SH3GL2: variants seen among roughly 807,000 people sequenced by gnomAD.
The protein encoded by SH3GL2 is SH3 domain containing GRB2 like 2, endophilin A1.
Under a neutral mutation model 46.0 loss-of-function variants are expected in SH3GL2, and 24 were observed. That is an observed-to-expected ratio of 0.52 (90% CI 0.38 to 0.73). SH3GL2 has a LOEUF of 0.73. SH3GL2 is among the 30% of genes least tolerant of loss of function. SH3GL2 has a pLI of 0.00. For synonymous variants in SH3GL2, 196 were observed against 147.1 expected, an observed-to-expected ratio of 1.33 and a Z score of -2.40; for missense variants, 413 against 424.2, an observed-to-expected ratio of 0.97 and a Z score of 0.23.
chr9:17,760,207 A>C (rs1057486475), intron 2 of SH3GL2, among the ~76,000 whole-genome samples: 1 of 152,206 alleles, frequency 6.6e-6, no homozygotes, highest in African/African-American at 2.4e-5. Context: ...TTGAAATTGC[A>C]TCCTTCTAAA....
At chr9:17,688,226 G>A (rs905193113) in intron 1 of SH3GL2, among the ~76,000 whole-genome samples, 4 of 152,032 alleles carry the variant, frequency 2.6e-5, no homozygotes, top group Admixed American at 1.3e-4. Flanking sequence ...GGGAGACTCA[G>A]CATCACAATG....
chr9:17,603,696 A>G (rs1244641037), intron 1 of SH3GL2, among the ~76,000 whole-genome samples: 2 of 152,114 alleles, frequency 1.3e-5, no homozygotes, highest in Non-Finnish European at 2.9e-5. Flanking sequence ...CCCCATCTCT[A>G]TTAGAAATAC....
intron 1 of SH3GL2, among the ~76,000 whole-genome samples, chr9:17,744,772 G>T (rs1588295205): frequency 6.6e-6 from 1 of 152,164 alleles, no homozygotes; most frequent in Non-Finnish European, 1.5e-5. Flanking sequence ...GCCAAACAAG[G>T]TCACAGTTGG....
chr9:17,716,829 G>C (rs1344508137), intron 1 of SH3GL2, among the ~76,000 whole-genome samples: 1 of 152,064 alleles, frequency 6.6e-6, no homozygotes, highest in Non-Finnish European at 1.5e-5. Context: ...GCAGTAAACT[G>C]GGAGAGTTGT....
intron 1 of SH3GL2, among the ~76,000 whole-genome samples, chr9:17,618,556 G>T (rs1469394701): frequency 6.6e-6 from 1 of 152,170 alleles, no homozygotes; most frequent in African/African-American, 2.4e-5. Context: ...AACCTTGCCT[G>T]TGTTGATGTA....
chr9:17,763,955 G>T (rs1324643881), intron 3 of SH3GL2, among the ~76,000 whole-genome samples: 1 of 151,996 alleles, frequency 6.6e-6, no homozygotes, highest in Admixed American at 6.6e-5. Context: ...GGAAATTGTG[G>T]GATTAAGGCT....
intron 1 of SH3GL2, among the ~76,000 whole-genome samples, chr9:17,621,303 G>A (rs959967800): frequency 6.6e-6 from 1 of 152,096 alleles, no homozygotes; most frequent in African/African-American, 2.4e-5. Context: ...TACAATTTCC[G>A]AATCATACAT....
chr9:17,751,470 T>TTGTGTGTGTGTGTG (rs1554646584), intron 2 of SH3GL2, among the ~76,000 whole-genome samples: 1 of 132,924 alleles, frequency 7.5e-6, no homozygotes, highest in African/African-American at 3.0e-5. Context: ...GTGTGTGTTT[T>TTGTGTGTGTGTGTG]TGTGTGTGCG....
rs539087550 is a variant in SH3GL2 at position 17,650,007 on chromosome 9, A to C, written c.45+70720A>C. Among the ~76,000 whole-genome samples, 4 of 152,316 alleles carry C rather than the reference A, an allele frequency of 2.6e-5. No homozygotes were observed. In the South Asian group the frequency reaches 8.3e-4, roughly 32 times the overall value. ...AAAAAGAAAAGCCTTCATAACCACC[A>C]GCTTTTATTTAGTGTTCCACATATT... On this transcript the variant is annotated intron_variant, in intron 1 of 8. Coordinates refer to ENST00000380607, the MANE Select transcript of SH3GL2 (RefSeq NM_003026.5).
intron 1 of SH3GL2, among the ~76,000 whole-genome samples, chr9:17,592,790 G>C (rs772819774): frequency 3.9e-5 from 6 of 152,116 alleles, no homozygotes; most frequent in Non-Finnish European, 8.8e-5. Context: ...TCTTTTCTCT[G>C]CTACGAGATG....
At chr9:17,616,969 T>C (rs150217020) in intron 1 of SH3GL2, among the ~76,000 whole-genome samples, 345 of 152,334 alleles carry the variant, frequency 2.3e-3, no homozygotes, top group Middle Eastern at 6.8e-3. Context: ...TGTTACCATG[T>C]TTTCCTAAAG....
At chr9:17,780,010 G>C (rs1039431440) in intron 3 of SH3GL2, among the ~76,000 whole-genome samples, 4 of 152,056 alleles carry the variant, frequency 2.6e-5, no homozygotes, top group African/African-American at 9.7e-5. Context: ...ATCGCCTTTG[G>C]GATTTTAAAA....
intron 1 of SH3GL2, among the ~76,000 whole-genome samples, chr9:17,744,427 A>G (rs1388636300): frequency 1.3e-5 from 2 of 151,378 alleles, no homozygotes; most frequent in Non-Finnish European, 1.5e-5. Flanking sequence ...GTGCAGTGGC[A>G]CGATCACGGC....
chr9:17,708,780 T>C (rs1307747641), intron 1 of SH3GL2, among the ~76,000 whole-genome samples: 2 of 151,954 alleles, frequency 1.3e-5, no homozygotes, highest in Non-Finnish European at 2.9e-5. Context: ...TTTAAGAAAT[T>C]AGGCTATGCA....
At chr9:17,674,727 A>G (rs928766958) in intron 1 of SH3GL2, among the ~76,000 whole-genome samples, 9 of 152,122 alleles carry the variant, frequency 5.9e-5, no homozygotes, top group African/African-American at 2.2e-4. Context: ...GACCTTACTC[A>G]CATCTCTGGC....
chr9:17,656,169 A>G (rs1820071861), intron 1 of SH3GL2, among the ~76,000 whole-genome samples: 1 of 152,204 alleles, frequency 6.6e-6, no homozygotes, highest in African/African-American at 2.4e-5. Flanking sequence ...TTGATGGATC[A>G]GTACACAATA....
intron 8 of SH3GL2, 150 bp downstream of exon 8, chr9:17,793,647 T>G: frequency 1.4e-6 from 1 of 693,914 alleles, no homozygotes; most frequent in East Asian, 3.1e-5. Context: ...AGAAACTCTG[T>G]TAAAGGAATC....
intron 1 of SH3GL2, among the ~76,000 whole-genome samples, chr9:17,701,592 C>CG (rs1415254391): frequency 6.6e-6 from 1 of 152,016 alleles, no homozygotes; most frequent in Non-Finnish European, 1.5e-5. Context: ...AACAACATGA[C>CG]GAACAATAAG....
chr9:17,608,765 G>A (rs570376140), intron 1 of SH3GL2, among the ~76,000 whole-genome samples: 10 of 152,244 alleles, frequency 6.6e-5, no homozygotes, highest in South Asian at 2.1e-4. Flanking sequence ...GTTATGAACC[G>A]GATTTGAGGT....
Sources: allele counts gnomAD v4.1 joint callset (sites outside exome capture counted in the v4.1 genomes callset), GRCh38; gene constraint gnomAD v4.1.1; transcripts MANE v1.5; gene names NCBI Gene and HGNC (gene_info 2026-07-23, HGNC 2026-07-21).